Variants in GAB1 observed in about 807,000 individuals in gnomAD.
GAB1 encodes the protein GRB2-associated-binding protein 1.
In GAB1, 19 loss-of-function variants were observed where a neutral mutation model predicts 66.5. The ratio of observed to expected loss-of-function variants is 0.29; its 90% CI spans 0.20 to 0.42. GAB1 has a LOEUF of 0.42. Among genes scored for constraint, GAB1 ranks in the 10% least tolerant of loss-of-function variants. The probability of loss-of-function intolerance (pLI) is 1.00; values close to 1 mark genes in which losing one functional copy is unlikely to be tolerated. For missense variants in GAB1, 732 were observed against 858.5 expected (o/e 0.85, Z 1.84); for synonymous variants, 294 against 301.4 (o/e 0.98, Z 0.25).
At chr4:143,404,063 G>A (rs960059415) in intron 1 of GAB1, among the ~76,000 whole-genome samples, 11 of 152,130 alleles carry the variant, frequency 7.2e-5, no homozygotes, top group African/African-American at 2.7e-4. Flanking sequence ...TAATATAGCA[G>A]TGTTTTATTT....
Position 143,442,097 on chromosome 4 carries a change from C to T in GAB1, c.1585+1715C>T, listed in dbSNP as rs182543371. Among the ~76,000 whole-genome samples the T allele has an allele frequency of 2.0e-5, 3 of 152,240 alleles. No homozygotes were observed. In the East Asian group the frequency reaches 5.8e-4, roughly 29 times the overall value. On this transcript the variant is annotated intron_variant, in intron 6 of 9. Coordinates refer to ENST00000262994, the MANE Select transcript of GAB1 (RefSeq NM_002039.4). ...AGACAACTACTAGTCATTTTCTTTG[C>T]ATATAATATGCAAAAATATGTTTGG...
chr4:143,410,014 A>T (rs971578775), intron 1 of GAB1, among the ~76,000 whole-genome samples: 3 of 151,264 alleles, frequency 2.0e-5, no homozygotes, highest in Non-Finnish European at 4.4e-5. Context: ...ACCCCCATAC[A>T]CTACAATTTA....
At chr4:143,382,119 C>T (rs1017959475) in intron 1 of GAB1, 10 of 152,156 alleles carry the variant, frequency 6.6e-5, no homozygotes, top group Non-Finnish European at 1.5e-4. Context: ...TACTCTACAA[C>T]CTTTATGCCG....
chr4:143,416,644 C>G (rs1247788350), intron 2 of GAB1, among the ~76,000 whole-genome samples: 1 of 151,450 alleles, frequency 6.6e-6, no homozygotes, highest in African/African-American at 2.4e-5. Flanking sequence ...CATGGTGGCA[C>G]ACGCCTGTAG....
chr4:143,390,801 A>C (rs1413260678), intron 1 of GAB1, among the ~76,000 whole-genome samples: 1 of 152,102 alleles, frequency 6.6e-6, no homozygotes, highest in African/African-American at 2.4e-5. Context: ...AGGCACCCAG[A>C]TTTCTTCCAT....
At chr4:143,459,294 A>G (rs1276591036) in intron 6 of GAB1, 91 bp from the exon 7 acceptor site, 1 of 773,794 alleles carries the variant, frequency 1.3e-6, no homozygotes, top group South Asian at 1.5e-5. Context: ...TACTCTGGCT[A>G]TCAAATATAA....
chr4:143,448,019 G>T (rs573103013), intron 6 of GAB1, among the ~76,000 whole-genome samples: 2 of 152,180 alleles, frequency 1.3e-5, no homozygotes, highest in East Asian at 3.9e-4. Flanking sequence ...TTTTGTCAAA[G>T]GCCTTTTCTG....
chr4:143,357,722 A>C (rs548640745), intron 1 of GAB1, among the ~76,000 whole-genome samples: 6 of 152,198 alleles, frequency 3.9e-5, no homozygotes, highest in African/African-American at 1.4e-4. Context: ...TTGGAATAGA[A>C]AGATACAGTC....
intron 1 of GAB1, among the ~76,000 whole-genome samples, chr4:143,343,034 G>A (rs1038310427): frequency 6.6e-6 from 1 of 152,128 alleles, no homozygotes; most frequent in African/African-American, 2.4e-5. Context: ...GGGATGTTTT[G>A]CTATAGTGGA....
chr4:143,358,456 A>G (rs1237061176), intron 1 of GAB1, among the ~76,000 whole-genome samples: 3 of 152,158 alleles, frequency 2.0e-5, no homozygotes. Flanking sequence ...TCTCATGTCA[A>G]TTTGTTGTAT....
intron 1 of GAB1, among the ~76,000 whole-genome samples, chr4:143,342,367 G>A (rs889697409): frequency 9.2e-5 from 14 of 152,098 alleles, no homozygotes; most frequent in African/African-American, 3.4e-4. Flanking sequence ...TAATCTGTTT[G>A]ACAAGTGACT....
intron 1 of GAB1, among the ~76,000 whole-genome samples, chr4:143,373,868 A>AATAAATAAATAAATAAAT: frequency 1.1e-5 from 1 of 93,670 alleles, no homozygotes; most frequent in Non-Finnish European, 2.1e-5. Context: ...TAAATAAATA[A>AATAAATAAATAAATAAAT]ATATATATAT....
At chr4:143,419,762 T>TC (rs1027587035) in intron 2 of GAB1, among the ~76,000 whole-genome samples, 6 of 152,132 alleles carry the variant, frequency 3.9e-5, no homozygotes, top group African/African-American at 1.4e-4. Context: ...CCTGGTTATT[T>TC]CCCCAAATAG....
intron 1 of GAB1, among the ~76,000 whole-genome samples, chr4:143,411,894 C>T (rs1420800382): frequency 6.6e-6 from 1 of 152,148 alleles, no homozygotes; most frequent in East Asian, 1.9e-4. Flanking sequence ...GAGGGTGACT[C>T]ATTTTGTGAC....
chr4:143,369,501 A>C (rs950040669), intron 1 of GAB1, among the ~76,000 whole-genome samples: 1 of 152,222 alleles, frequency 6.6e-6, no homozygotes, highest in Non-Finnish European at 1.5e-5. Flanking sequence ...CAGGATGAAA[A>C]TATCCTGTTG....
At chr4:143,338,441 G>A (rs191540272) in intron 1 of GAB1, among the ~76,000 whole-genome samples, 6 of 152,334 alleles carry the variant, frequency 3.9e-5, no homozygotes, top group Admixed American at 1.3e-4. Context: ...ATAGAACAGA[G>A]TGAAGTACAC....
rs377450204 is a variant in GAB1 at position 143,471,221 on chromosome 4, TATC to T, written c.*2035_*2037del. On this transcript the variant is annotated 3_prime_UTR_variant, in exon 10 of 10. Coordinates refer to ENST00000262994, the MANE Select transcript of GAB1 (RefSeq NM_002039.4). Reference sequence around the variant, plus strand: ...CTTAATGAATGTTTTTAGTCTAACTTATCATTAACTTTTTACAAGTCACCATAT... The same window carrying T: ...CTTAATGAATGTTTTTAGTCTAACTTATTAACTTTTTACAAGTCACCATAT... 7.9e-5 allele frequency: 12 copies of T among 152,160 alleles called. No individual in the cohort carries two copies. Among genetic ancestry groups the T allele is most frequent in the African/African-American group, 2.7e-4 (11 of 41,448 alleles). The allele number at this position is 152,160 out of a possible 1,614,324, so 9.4% of individuals were successfully genotyped here.
At chr4:143,349,399 G>A (rs1311281114) in intron 1 of GAB1, 6 of 1,048,594 alleles carry the variant, frequency 5.7e-6, no homozygotes, top group Non-Finnish European at 8.8e-6. Flanking sequence ...CCAGAGGTCA[G>A]GGGTCAGATA....
chr4:143,455,626 G>T (rs1438841523), intron 6 of GAB1, among the ~76,000 whole-genome samples: 4 of 152,172 alleles, frequency 2.6e-5, no homozygotes, highest in East Asian at 1.9e-4. Flanking sequence ...ATTAAACCTG[G>T]TATCACTGGT....
Sources: gnomAD v4.1 joint callset for allele counts (sites outside exome capture counted in the v4.1 genomes callset) on GRCh38, gnomAD v4.1.1 for gene constraint, MANE v1.5 for transcripts, NCBI Gene and HGNC (gene_info 2026-07-23, HGNC 2026-07-21) for gene names.